PDE10A: variants seen among roughly 807,000 people sequenced by gnomAD.
The protein encoded by PDE10A is cAMP and cAMP-inhibited cGMP 3',5'-cyclic phosphodiesterase 10A.
PDE10A carries 39 observed loss-of-function variants against 97.7 expected under a neutral mutation model. That is an observed-to-expected ratio of 0.40 (90% CI 0.31 to 0.52). The LOEUF (loss-of-function observed/expected upper bound fraction) is 0.52. Among genes scored for constraint, PDE10A ranks in the 20% least tolerant of loss-of-function variants. The pLI, the probability that PDE10A is intolerant of heterozygous loss-of-function variation, is 0.56. For synonymous variants in PDE10A, 371 were observed against 376.8 expected (o/e 0.98, Z 0.18); for missense variants, 731 against 1,047.8 (o/e 0.70, Z 4.17).
At chr6:165,965,848 C>T (rs1322908016) in intron 1 of PDE10A, among the ~76,000 whole-genome samples, 4 of 152,220 alleles carry the variant, frequency 2.6e-5, no homozygotes, top group Non-Finnish European at 5.9e-5. Context: ...AGCCCAGGAG[C>T]TGCTGAGTAA....
intron 1 of PDE10A, among the ~76,000 whole-genome samples, chr6:165,597,519 T>C (rs1188111237): frequency 1.3e-5 from 2 of 152,212 alleles, no homozygotes; most frequent in Non-Finnish European, 2.9e-5. Context: ...TTAGGCTATC[T>C]GGGTTGATGG....
Position 165,368,466 on chromosome 6 carries a change from T to C in PDE10A, c.2783+10728A>G, listed in dbSNP as rs143567399. On this transcript the variant is annotated intron_variant, in intron 18 of 21. Transcript: ENST00000539869. ...TTAAAGTTTTTCACATTGAACAAAATGGAAATAATATCAATTCAAAGCGGA... is the reference window on the plus strand; with the variant it reads ...TTAAAGTTTTTCACATTGAACAAAACGGAAATAATATCAATTCAAAGCGGA... Among the ~76,000 whole-genome samples, 555 of 152,076 alleles carry C rather than the reference T, an allele frequency of 3.6e-3. 2 individuals carry two copies. Among genetic ancestry groups the C allele is most frequent in the Middle Eastern group, 0.01 (3 of 294 alleles).
Position 165,388,986 on chromosome 6 carries a change from G to A in PDE10A, c.2455-533C>T, listed in dbSNP as rs916419676. Among the ~76,000 whole-genome samples, 65 of 152,166 alleles carry A rather than the reference G, an allele frequency of 4.3e-4. No homozygotes were observed. The highest frequency in any genetic ancestry group is 1.5e-3 in the African/African-American group (64 of 41,434). On this transcript the variant is annotated intron_variant, in intron 16 of 21. Transcript: ENST00000539869. This position sits in a 1 kb window ranked among gnomAD's most constrained non-coding sequence, Gnocchi z 4.0. ...GCTGAGTATGAAATAAACTAGGCAG[G>A]CACACCTCATGAAAAGGCCAGGTGT...
intron 1 of PDE10A, among the ~76,000 whole-genome samples, chr6:165,959,647 G>A (rs922957627): frequency 6.6e-6 from 1 of 152,180 alleles, no homozygotes; most frequent in African/African-American, 2.4e-5. Flanking sequence ...TAGCGGGAAG[G>A]GAGTAGTTAA....
chr6:165,954,971 C>CTCCA (rs1296372123), intron 1 of PDE10A, among the ~76,000 whole-genome samples: 1 of 152,152 alleles, frequency 6.6e-6, no homozygotes, highest in East Asian at 1.9e-4. Flanking sequence ...CTCAACGTAG[C>CTCCA]TCCAGCCTGG....
At chr6:165,808,823 T>C (rs1682898518) in intron 1 of PDE10A, among the ~76,000 whole-genome samples, 1 of 152,226 alleles carries the variant, frequency 6.6e-6, no homozygotes, top group South Asian at 2.1e-4. Context: ...AAAATGCTCT[T>C]CTCAATTTAA....
intron 1 of PDE10A, among the ~76,000 whole-genome samples, chr6:165,905,103 G>T (rs1286135705): frequency 6.6e-6 from 1 of 152,132 alleles, no homozygotes; most frequent in Non-Finnish European, 1.5e-5. Flanking sequence ...AACTACCACA[G>T]ATGTAGATGT....
chr6:165,668,307 T>G (rs2128435300), intron 1 of PDE10A, among the ~76,000 whole-genome samples: 1 of 152,310 alleles, frequency 6.6e-6, no homozygotes, highest in South Asian at 2.1e-4. Flanking sequence ...ATGGACACCT[T>G]TTGTACAAAT....
In PDE10A at chr6:165,918,071, T is replaced by A. The variant is rs199829082; in HGVS notation, c.-615+69458A>T. 5.9e-5 allele frequency among the ~76,000 whole-genome samples: 9 copies of A among 152,342 alleles called. No individual in the cohort carries two copies. The East Asian group carries it at 1.5e-3, about 26-fold the overall frequency. ...AACAATTCCAGAGTGGTATAAAAAA[T>A]ATAGAGAGTAAATTTGATATCTCAT... is the stretch of plus-strand genomic sequence containing the variant. On this transcript the variant is annotated intron_variant, in intron 1 of 19. Coordinates refer to the PDE10A transcript ENST00000366882.
In PDE10A at chr6:165,662,066, T is replaced by A; in HGVS notation, c.746A>T (p.Gln249Leu). The A allele has an allele frequency of 7.1e-7, 1 of 1,399,650 alleles. No homozygotes were observed. Among genetic ancestry groups the A allele is most frequent in the Non-Finnish European group, 9.4e-7 (1 of 1,062,966 alleles). 86.7% of individuals were successfully genotyped at this position (1,399,650 alleles called of 1,614,324 possible). The change falls in exon 1 of 22, where the codon CAG becomes CTG. Residue 249 changes from glutamine to leucine, a missense_variant. Physicochemically the swap from Gln to Leu is moderately radical, Grantham distance 113. This residue lies in a region of PDE10A where 181 missense variants were observed against 159.1 expected (regional missense o/e 1.14). Transcript: ENST00000539869. ...GGGGQTPRRP[Q>L]GASFALAAAA... ...GGCGGCGAGGGCGAAGCTGGCGCCCTGGGGACGCCGCGGAGTTTGGCCGCC... is the reference window on the plus strand; with the variant it reads ...GGCGGCGAGGGCGAAGCTGGCGCCCAGGGGACGCCGCGGAGTTTGGCCGCC...
At chr6:165,987,129 C>T (rs915033849) in intron 1 of PDE10A, among the ~76,000 whole-genome samples, 1 of 152,168 alleles carries the variant, frequency 6.6e-6, no homozygotes, top group South Asian at 2.1e-4. Context: ...GAGGCACCTG[C>T]GGGTCTGGCG....
intron 1 of PDE10A, among the ~76,000 whole-genome samples, chr6:165,968,388 C>A (rs1458451339): frequency 6.6e-6 from 1 of 152,194 alleles, no homozygotes. Flanking sequence ...GCCTTAGTAC[C>A]ATTTTAAAAC....
At chr6:165,845,080 G>A (rs1780374706) in intron 1 of PDE10A, among the ~76,000 whole-genome samples, 1 of 152,208 alleles carries the variant, frequency 6.6e-6, no homozygotes, top group Non-Finnish European at 1.5e-5. Context: ...AACTTCTGCT[G>A]ATTTAAAGCG....
chr6:165,896,986 G>A (rs918739200), intron 1 of PDE10A, among the ~76,000 whole-genome samples: 3 of 152,100 alleles, frequency 2.0e-5, no homozygotes, highest in African/African-American at 4.8e-5. Flanking sequence ...AATATTTTAA[G>A]TGCCTGGAAA....
intron 1 of PDE10A, among the ~76,000 whole-genome samples, chr6:165,554,619 C>T (rs1405598736): frequency 6.6e-6 from 1 of 152,060 alleles, no homozygotes; most frequent in Non-Finnish European, 1.5e-5. Context: ...CCTCAAAAAA[C>T]TAAAAATTGA....
At chr6:165,679,502 A>C (rs1790917359) in intron 1 of PDE10A, among the ~76,000 whole-genome samples, 1 of 152,122 alleles carries the variant, frequency 6.6e-6, no homozygotes, top group Non-Finnish European at 1.5e-5. Flanking sequence ...GAGGTGTGGC[A>C]CCGCCCCCTC....
chr6:165,851,829 G>T (rs373601433), intron 1 of PDE10A, among the ~76,000 whole-genome samples: 1 of 152,112 alleles, frequency 6.6e-6, no homozygotes, highest in South Asian at 2.1e-4. Context: ...AGTGGCTCAT[G>T]CCTGTAATCC....
intron 1 of PDE10A, among the ~76,000 whole-genome samples, chr6:165,698,578 G>A (rs1791495473): frequency 6.6e-6 from 1 of 152,198 alleles, no homozygotes; most frequent in Admixed American, 6.5e-5. Context: ...GGCCAGATGT[G>A]GTAGATCATG....
chr6:165,517,559 C>T (rs896120190), intron 2 of PDE10A, among the ~76,000 whole-genome samples: 27 of 152,096 alleles, frequency 1.8e-4, no homozygotes, highest in African/African-American at 6.3e-4. Flanking sequence ...ATCCATACAA[C>T]AAAATACTAC....
Sources: allele counts gnomAD v4.1 joint callset (sites outside exome capture counted in the v4.1 genomes callset), GRCh38; gene constraint gnomAD v4.1.1; regional missense constraint gnomAD v4.1.1; non-coding constraint Gnocchi (gnomAD v3.1); transcripts MANE v1.5; gene names NCBI Gene and HGNC (gene_info 2026-07-23, HGNC 2026-07-21).